The following ACOXL variants were observed in gnomAD, a reference collection of about 807,000 sequenced individuals.
The protein encoded by ACOXL is acyl-coenzyme A oxidase-like protein.
A neutral mutation model predicts 71.9 loss-of-function variants in ACOXL; 70 were observed. The ratio of observed to expected loss-of-function variants is 0.97; its 90% CI spans 0.80 to 1.19. ACOXL has a LOEUF of 1.19. Ranked by LOEUF, ACOXL falls within the 50% of genes most tolerant of loss-of-function variation. ACOXL has a pLI of 0.00. For synonymous variants in ACOXL, 253 were observed against 281.6 expected, an observed-to-expected ratio of 0.90 and a Z score of 1.02; for missense variants, 703 against 736.3, an observed-to-expected ratio of 0.95 and a Z score of 0.52.
chr2:111,003,444 G>A (rs1249397183), intron 14 of ACOXL, among the ~76,000 whole-genome samples: 2 of 150,676 alleles, frequency 1.3e-5, no homozygotes, highest in Non-Finnish European at 3.0e-5. Context: ...CCAGCTACTC[G>A]GGAGGCTTAG....
intron 14 of ACOXL, among the ~76,000 whole-genome samples, chr2:111,019,385 G>A (rs2064631978): frequency 6.6e-6 from 1 of 152,168 alleles, no homozygotes; most frequent in South Asian, 2.1e-4. Context: ...CGTGCTAAAT[G>A]ACCAAAAAGA....
chr2:110,768,081 G>A lies in ACOXL; in HGVS notation c.-22-287G>A, dbSNP rs539583703. On this transcript the variant is annotated intron_variant, in intron 1 of 17. Coordinates refer to ENST00000439055, the MANE Select transcript of ACOXL (RefSeq NM_001142807.4). ...CGGGAGGCGGAGGTTGCAGTGAGCC[G>A]AGATTGCACTGCTGCACGCCAGCCT... Among the ~76,000 whole-genome samples, 23 of 152,226 alleles carry A rather than the reference G, an allele frequency of 1.5e-4. No individual in the cohort carries two copies. The East Asian group carries it at 3.3e-3, about 22-fold the overall frequency.
intron 8 of ACOXL, among the ~76,000 whole-genome samples, chr2:110,802,592 T>G (rs979914621): frequency 2.0e-5 from 3 of 152,124 alleles, no homozygotes; most frequent in Admixed American, 1.3e-4. Flanking sequence ...TAAAAATGAT[T>G]GGTATGACAA....
chr2:111,104,698 C>T (rs1320427155), intron 17 of ACOXL, among the ~76,000 whole-genome samples: 2 of 151,964 alleles, frequency 1.3e-5, no homozygotes, highest in African/African-American at 4.8e-5. Context: ...TTTTTTTAAA[C>T]TGTTTATATG....
At position 110,908,772 on chromosome 2, in the gene ACOXL, C is replaced by T. The variant is rs769067480; in HGVS notation, c.789-17C>T. The T allele has an allele frequency of 6.2e-7, 1 of 1,602,062 alleles. No homozygotes were observed. Among genetic ancestry groups the T allele is most frequent in the South Asian group, 1.1e-5 (1 of 90,314 alleles). On this transcript the variant is annotated splice_polypyrimidine_tract_variant and intron_variant, in intron 10 of 17. Coordinates refer to ENST00000439055, the MANE Select transcript of ACOXL (RefSeq NM_001142807.4). ...TCCTGGATTTTGGTAAAAATCGTGT[C>T]TGTTGATTCCCTCTAGCCGGAGGCA...
intron 10 of ACOXL, among the ~76,000 whole-genome samples, chr2:110,854,693 G>A (rs1693033170): frequency 6.6e-6 from 1 of 152,204 alleles, no homozygotes; most frequent in Non-Finnish European, 1.5e-5. Flanking sequence ...AGGCCATTGA[G>A]GGCCACCACC....
At chr2:111,110,353 G>A (rs2069858277) in intron 17 of ACOXL, among the ~76,000 whole-genome samples, 1 of 152,088 alleles carries the variant, frequency 6.6e-6, no homozygotes, top group South Asian at 2.1e-4. Context: ...TGAAAATGGT[G>A]AACTACAGTT....
At chr2:111,030,609 C>T (rs560326828) in intron 14 of ACOXL, among the ~76,000 whole-genome samples, 2 of 152,124 alleles carry the variant, frequency 1.3e-5, no homozygotes, top group African/African-American at 2.4e-5. Flanking sequence ...CCGCAGAAAC[C>T]GCAGAGCTGC....
intron 14 of ACOXL, among the ~76,000 whole-genome samples, chr2:111,008,744 T>A (rs1354708580): frequency 5.3e-5 from 8 of 152,214 alleles, no homozygotes; most frequent in Non-Finnish European, 4.4e-5. Context: ...CTGAGTGAAG[T>A]CTGTTTCCTC....
chr2:110,933,663 C>T (rs1294768388), intron 12 of ACOXL, 21 bp downstream of exon 12: 1 of 1,597,576 alleles, frequency 6.3e-7, no homozygotes, highest in African/African-American at 1.3e-5. Context: ...AGGCCTGCAG[C>T]CCCCGTGGGT....
intron 14 of ACOXL, among the ~76,000 whole-genome samples, chr2:111,020,297 C>A (rs576782144): frequency 7.2e-4 from 109 of 152,324 alleles, no homozygotes; most frequent in Middle Eastern, 6.8e-3. Context: ...GGTTGCAGTC[C>A]TGCCCCAGTC....
intron 16 of ACOXL, among the ~76,000 whole-genome samples, chr2:111,066,143 G>A (rs1265077677): frequency 6.6e-6 from 1 of 152,164 alleles, no homozygotes; most frequent in African/African-American, 2.4e-5. Flanking sequence ...TTCCTTTAAT[G>A]GGTAAATGAT....
intron 16 of ACOXL, among the ~76,000 whole-genome samples, chr2:111,091,516 T>C (rs996404092): frequency 6.6e-6 from 1 of 152,204 alleles, no homozygotes; most frequent in African/African-American, 2.4e-5. Flanking sequence ...ACATAAGAAG[T>C]TCATCTAGAG....
At chr2:111,101,403 T>C (rs575719744) in intron 17 of ACOXL, among the ~76,000 whole-genome samples, 10 of 152,154 alleles carry the variant, frequency 6.6e-5, no homozygotes, top group Non-Finnish European at 1.2e-4. Context: ...ACAAATGCGG[T>C]GTTGGTTGTT....
intron 1 of ACOXL, among the ~76,000 whole-genome samples, chr2:110,762,424 C>CT (rs1680525704): frequency 6.6e-6 from 1 of 151,146 alleles, no homozygotes; most frequent in East Asian, 1.9e-4. Context: ...TTTTTGTTTT[C>CT]TTACCTTCCT....
intron 1 of ACOXL, among the ~76,000 whole-genome samples, chr2:110,754,859 C>A (rs891621777): frequency 6.6e-6 from 1 of 152,124 alleles, no homozygotes. Flanking sequence ...CCTGGGATTG[C>A]GATTGCACAT....
chr2:111,096,707 G>A (rs2150034792), intron 17 of ACOXL, among the ~76,000 whole-genome samples: 1 of 152,196 alleles, frequency 6.6e-6, no homozygotes, highest in East Asian at 1.9e-4. Context: ...CTGTGTGTCT[G>A]GTTGTCTTTT....
chr2:110,956,123 C>T (rs761402329), intron 12 of ACOXL, among the ~76,000 whole-genome samples: 1 of 151,876 alleles, frequency 6.6e-6, no homozygotes, highest in Non-Finnish European at 1.5e-5. Context: ...TTAGTAGAGA[C>T]GGGTTTGTTG....
chr2:110,852,876 GTC>G (rs968459370), intron 10 of ACOXL, among the ~76,000 whole-genome samples: 2 of 152,152 alleles, frequency 1.3e-5, no homozygotes. Context: ...TTGACTGCTC[GTC>G]CAAGTGCTCT....
Sources: gnomAD v4.1 joint callset for allele counts (sites outside exome capture counted in the v4.1 genomes callset) on GRCh38, gnomAD v4.1.1 for gene constraint, MANE v1.5 for transcripts, NCBI Gene and HGNC (gene_info 2026-07-23, HGNC 2026-07-21) for gene names.